The following SRD5A3 variants were observed in gnomAD, a reference collection of about 807,000 sequenced individuals.
The protein encoded by SRD5A3 is steroid 5 alpha-reductase 3.
SRD5A3 carries 24 observed loss-of-function variants against 34.3 expected under a neutral mutation model. That is an observed-to-expected ratio of 0.70 (90% CI 0.51 to 0.99). The LOEUF is 0.99. SRD5A3 is among the 50% of genes least tolerant of loss of function. The pLI is 0.00. For synonymous variants in SRD5A3, 161 were observed against 167.3 expected, an observed-to-expected ratio of 0.96 and a Z score of 0.29; for missense variants, 350 against 388.2, an observed-to-expected ratio of 0.90 and a Z score of 0.83.
rs1578212109 is a variant in SRD5A3, at chr4:55,367,508, T to C, written c.563-80T>C. The C allele has an allele frequency of 4.2e-5, 64 of 1,533,310 alleles. 1 individual carries two copies. The South Asian group carries it at 7.2e-4, about 17-fold the overall frequency. The allele number at this position is 1,533,310 out of a possible 1,614,324, so 95.0% of individuals were successfully genotyped here. A position where few individuals can be genotyped will look rare whatever the true frequency, so the allele number is the denominator to read the frequency against. ...GAACGGAATAAGTGGATAATTGTGT[T>C]TCTGCTGACTAAATGATTTGTTTAA... On this transcript the variant is annotated intron_variant, in intron 3 of 4. Coordinates refer to ENST00000264228, the MANE Select transcript of SRD5A3 (RefSeq NM_024592.5).
chr4:55,367,828 A>G, intron 4 of SRD5A3, 106 bp downstream of exon 4: 1 of 1,454,104 alleles, frequency 6.9e-7, no homozygotes. Context: ...TGACTGTATC[A>G]AATATTGATT....
chr4:55,361,756 A>T (rs985794572), intron 2 of SRD5A3, among the ~76,000 whole-genome samples: 2 of 152,080 alleles, frequency 1.3e-5, no homozygotes, highest in Non-Finnish European at 2.9e-5. Context: ...GTAAGCTGAG[A>T]TCATGCCACT....
At chr4:55,360,088 A>G (rs978311444) in intron 2 of SRD5A3, among the ~76,000 whole-genome samples, 18 of 151,800 alleles carry the variant, frequency 1.2e-4, no homozygotes, top group Non-Finnish European at 2.4e-4. Context: ...GGTGGCGGGC[A>G]CCTGTAGCCC....
chr4:55,366,399 A>C (rs985249036), intron 3 of SRD5A3, among the ~76,000 whole-genome samples: 2 of 152,146 alleles, frequency 1.3e-5, no homozygotes, highest in Non-Finnish European at 2.9e-5. Context: ...GCTGGTCTCA[A>C]ACCCCTGGCC....
At chr4:55,354,030 C>G (rs1719324513) in intron 1 of SRD5A3, among the ~76,000 whole-genome samples, 1 of 152,198 alleles carries the variant, frequency 6.6e-6, no homozygotes, top group South Asian at 2.1e-4. Flanking sequence ...ACTCAGTAAA[C>G]ATTAATTCCC....
chr4:55,353,480 G>C (rs1719279759), intron 1 of SRD5A3, among the ~76,000 whole-genome samples: 2 of 152,138 alleles, frequency 1.3e-5, no homozygotes, highest in African/African-American at 4.8e-5. Flanking sequence ...ATGTGGGCGG[G>C]GCCAAATAAG....
chr4:55,355,794 C>T (rs1352320582), intron 1 of SRD5A3, among the ~76,000 whole-genome samples: 2 of 152,098 alleles, frequency 1.3e-5, no homozygotes, highest in Non-Finnish European at 2.9e-5. Context: ...CTCTCTGAGT[C>T]TTGGGTTTCT....
At chr4:55,359,980 A>G (rs1484495235) in intron 2 of SRD5A3, among the ~76,000 whole-genome samples, 4 of 152,192 alleles carry the variant, frequency 2.6e-5, no homozygotes, top group Non-Finnish European at 2.9e-5. Context: ...TGGGAGGCCA[A>G]GGCGGGCAGA....
chr4:55,353,702 A>C (rs1719303867), intron 1 of SRD5A3, among the ~76,000 whole-genome samples: 1 of 151,900 alleles, frequency 6.6e-6, no homozygotes, highest in African/African-American at 2.4e-5. Flanking sequence ...CTGGAGGAAC[A>C]AACAACTCTG....
chr4:55,347,645 T>A (rs900437522), intron 1 of SRD5A3, among the ~76,000 whole-genome samples: 2 of 152,068 alleles, frequency 1.3e-5, no homozygotes, highest in Non-Finnish European at 2.9e-5. Context: ...AATTTTTTTT[T>A]AAAGGTTAAA....
Position 55,372,637 on chromosome 4 carries a change from G to T in SRD5A3, c.*2546G>T, listed in dbSNP as rs1425435735. The T allele has an allele frequency of 2.0e-5, 3 of 152,138 alleles. No individual in the cohort carries two copies. The highest frequency in any genetic ancestry group is 2.0e-4 in the Admixed American group (3 of 15,258). 9.4% of individuals were successfully genotyped at this position (152,138 alleles called of 1,614,324 possible). On this transcript the variant is annotated 3_prime_UTR_variant, in exon 5 of 5. Coordinates refer to ENST00000264228, the MANE Select transcript of SRD5A3 (RefSeq NM_024592.5). Reference sequence around the variant, plus strand: ...GTAAAGGGAGAGCATCAGGGACTTTGCAAATTCTTCACAAGGACCCAGAAA... The same window carrying T: ...GTAAAGGGAGAGCATCAGGGACTTTTCAAATTCTTCACAAGGACCCAGAAA...
chr4:55,361,453 G>A (rs563012404), intron 2 of SRD5A3, among the ~76,000 whole-genome samples: 12 of 139,586 alleles, frequency 8.6e-5, no homozygotes, highest in Middle Eastern at 8.9e-3. Flanking sequence ...TTGCACTCTA[G>A]CCTAAGAGGA....
At chr4:55,359,946 C>T (rs1719612430) in intron 2 of SRD5A3, among the ~76,000 whole-genome samples, 1 of 152,222 alleles carries the variant, frequency 6.6e-6, no homozygotes, top group Non-Finnish European at 1.5e-5. Flanking sequence ...GGTGCGGTGG[C>T]TCACGCCTGT....
Position 55,370,496 on chromosome 4 carries a change from G to A in SRD5A3, c.*405G>A, listed in dbSNP as rs571852721. 4.5e-5 allele frequency: 12 copies of A among 266,438 alleles called. No homozygotes were observed. Among genetic ancestry groups the A allele is most frequent in the East Asian group, 2.9e-4 (3 of 10,282 alleles). The allele number at this position is 266,438 out of a possible 1,614,324, so 16.5% of individuals were successfully genotyped here. On this transcript the variant is annotated 3_prime_UTR_variant, in exon 5 of 5. Transcript: ENST00000264228. ...ACAAAGGAAGATCATCAATGGCTGC[G>A]GTAGCCTAGTAGGAATGGACTATAT...
chr4:55,350,234 G>A (rs991742296), intron 1 of SRD5A3, among the ~76,000 whole-genome samples: 2 of 152,194 alleles, frequency 1.3e-5, no homozygotes, highest in African/African-American at 4.8e-5. Context: ...GCTGGGCATG[G>A]TGGCGAGCAC....
chr4:55,352,002 G>A, intron 1 of SRD5A3: 1 of 763,866 alleles, frequency 1.3e-6, no homozygotes, highest in South Asian at 1.3e-5. Flanking sequence ...GTTCCTTTGT[G>A]TGTACATGGT....
chr4:55,352,071 A>G (rs1201685400), intron 1 of SRD5A3: 9 of 773,734 alleles, frequency 1.2e-5, no homozygotes, highest in Middle Eastern at 2.5e-4. Context: ...TTCTGCTCCA[A>G]TTTCTCAATT....
chr4:55,351,323 C>T (rs1338222597), intron 1 of SRD5A3, among the ~76,000 whole-genome samples: 1 of 151,988 alleles, frequency 6.6e-6, no homozygotes, highest in African/African-American at 2.4e-5. Flanking sequence ...CCACCCACCT[C>T]GGCCTCCCAA....
chr4:55,348,342 A>G lies in SRD5A3; in HGVS notation c.221+1785A>G, dbSNP rs1719071953. Among the ~76,000 whole-genome samples the G allele has an allele frequency of 1.3e-5, 2 of 152,220 alleles. 1 individual carries two copies. The highest frequency in any genetic ancestry group is 4.1e-4 in the South Asian group (2 of 4,836). ...GAAAGGCATTTTTATTGTGACAAAAAAAAGATAACTTGCATCAAAACTGGC... is the reference window on the plus strand; with the variant it reads ...GAAAGGCATTTTTATTGTGACAAAAGAAAGATAACTTGCATCAAAACTGGC... On this transcript the variant is annotated intron_variant, in intron 1 of 4. Coordinates refer to ENST00000264228, the MANE Select transcript of SRD5A3 (RefSeq NM_024592.5).
Sources: allele counts gnomAD v4.1 joint callset (sites outside exome capture counted in the v4.1 genomes callset), GRCh38; gene constraint gnomAD v4.1.1; transcripts MANE v1.5; gene names NCBI Gene and HGNC (gene_info 2026-07-23, HGNC 2026-07-21).